Variants in NFATC3 observed in about 807,000 individuals in gnomAD.
NFATC3 encodes nuclear factor of activated T-cells, cytoplasmic 3.
Under a neutral mutation model 98.6 loss-of-function variants are expected in NFATC3, and 46 were observed. The observed-to-expected ratio is 0.47, with a 90% confidence interval of 0.37 to 0.60. NFATC3 has a LOEUF of 0.60. NFATC3 is among the 20% of genes least tolerant of loss of function. NFATC3 has a pLI of 0.00. For missense variants in NFATC3, 1,256 were observed against 1,295.5 expected (o/e 0.97, Z 0.47); for synonymous variants, 512 against 472.2 (o/e 1.08, Z -1.09).
chr16:68,138,519 G>A, intron 3 of NFATC3: 1 of 1,281,508 alleles, frequency 7.8e-7, no homozygotes, highest in Non-Finnish European at 1.0e-6. Context: ...AGGAATCCAA[G>A]ATACGTTCAT....
At chr16:68,147,263 G>A (rs2038083354) in intron 3 of NFATC3, among the ~76,000 whole-genome samples, 1 of 152,180 alleles carries the variant, frequency 6.6e-6, no homozygotes, top group East Asian at 1.9e-4. Context: ...AACTTAATAG[G>A]TAATAGCAAA....
At chr16:68,112,522 C>T (rs552858686) in intron 1 of NFATC3, among the ~76,000 whole-genome samples, 28 of 151,794 alleles carry the variant, frequency 1.8e-4, no homozygotes, top group Admixed American at 6.6e-4. Context: ...GTGATCCACC[C>T]GCCTCGGCCT....
intron 6 of NFATC3, among the ~76,000 whole-genome samples, chr16:68,177,387 C>T (rs1032400892): frequency 1.3e-5 from 2 of 152,122 alleles, no homozygotes; most frequent in African/African-American, 4.8e-5. Context: ...ATTCCTTTCC[C>T]CTACATTTTC....
chr16:68,153,987 G>A (rs555432160), intron 3 of NFATC3, among the ~76,000 whole-genome samples: 2 of 152,182 alleles, frequency 1.3e-5, no homozygotes, highest in East Asian at 3.9e-4. Flanking sequence ...CATAATCATA[G>A]CTCACTGTAA....
chr16:68,117,770 G>A (rs927791163), intron 1 of NFATC3, among the ~76,000 whole-genome samples: 2 of 151,980 alleles, frequency 1.3e-5, no homozygotes, highest in Admixed American at 6.6e-5. Context: ...TGCCTGCCTC[G>A]GCCTCCCAAA....
At chr16:68,221,401 T>C in intron 9 of NFATC3, 1 of 1,479,474 alleles carries the variant, frequency 6.8e-7, no homozygotes, top group East Asian at 2.4e-5. Flanking sequence ...TGAAAGCACT[T>C]TGTTGCAGTT....
chr16:68,184,393 G>A (rs933416737), intron 8 of NFATC3, among the ~76,000 whole-genome samples: 1 of 152,164 alleles, frequency 6.6e-6, no homozygotes, highest in Admixed American at 6.5e-5. Context: ...AGTTTAAGGA[G>A]CTTCCATATG....
chr16:68,137,848 C>T (rs892378442), intron 3 of NFATC3, among the ~76,000 whole-genome samples: 1 of 152,034 alleles, frequency 6.6e-6, no homozygotes, highest in Admixed American at 6.6e-5. Flanking sequence ...GATCTTCTGA[C>T]CTCGTGATCC....
chr16:68,116,694 G>A (rs549234968), intron 1 of NFATC3, among the ~76,000 whole-genome samples: 1 of 152,282 alleles, frequency 6.6e-6, no homozygotes, highest in South Asian at 2.1e-4. Flanking sequence ...TTCATCTACA[G>A]TTTATTTGGG....
chr16:68,168,736 G>A (rs1250456792), intron 5 of NFATC3, among the ~76,000 whole-genome samples: 1 of 148,758 alleles, frequency 6.7e-6, no homozygotes, highest in Non-Finnish European at 1.5e-5. Flanking sequence ...TGCCCACCTT[G>A]CCCTCCCAAA....
intron 3 of NFATC3, among the ~76,000 whole-genome samples, chr16:68,137,855 A>T (rs769855454): frequency 6.6e-6 from 1 of 151,884 alleles, no homozygotes; most frequent in South Asian, 2.1e-4. Flanking sequence ...TGACCTCGTG[A>T]TCCGCCCTCC....
chr16:68,134,874 C>G (rs1484904016), intron 3 of NFATC3, among the ~76,000 whole-genome samples: 1 of 151,688 alleles, frequency 6.6e-6, no homozygotes, highest in African/African-American at 2.4e-5. Context: ...AAGAAGCAAA[C>G]CATGCAGCCA....
At chr16:68,190,740 A>G in intron 8 of NFATC3, 28 bp from the exon 9 acceptor site, 1 of 1,568,624 alleles carries the variant, frequency 6.4e-7, no homozygotes, top group Non-Finnish European at 8.6e-7. Context: ...TTGTATAATA[A>G]TATTTGCTTT....
chr16:68,138,502 G>T, intron 3 of NFATC3: 1 of 1,266,886 alleles, frequency 7.9e-7, no homozygotes, highest in Non-Finnish European at 1.0e-6. Flanking sequence ...CTTTCAAATT[G>T]TTGCTCAGGA....
At chr16:68,158,406 T>G (rs1364688969) in intron 4 of NFATC3, among the ~76,000 whole-genome samples, 2 of 152,192 alleles carry the variant, frequency 1.3e-5, no homozygotes, top group African/African-American at 4.8e-5. Context: ...TTCTATTTCC[T>G]TAAGGAAAAC....
intron 1 of NFATC3, chr16:68,088,885 T>A: frequency 1.6e-6 from 1 of 635,670 alleles, no homozygotes; most frequent in South Asian, 7.1e-5. Context: ...TTGCCCAGGC[T>A]AGTCTGGAAC....
intron 3 of NFATC3, among the ~76,000 whole-genome samples, chr16:68,128,112 T>A (rs963620416): frequency 1.2e-4 from 19 of 152,174 alleles, no homozygotes; most frequent in African/African-American, 4.1e-4. Context: ...TGGCTGTAGA[T>A]GATAATCTCT....
chr16:68,099,640 T>C (rs1038977216), intron 1 of NFATC3, among the ~76,000 whole-genome samples: 2 of 151,366 alleles, frequency 1.3e-5, no homozygotes, highest in African/African-American at 4.9e-5. Flanking sequence ...ATAAAAAATA[T>C]AGAACTGTTT....
Position 68,183,274 on chromosome 16 carries a change from A to G in NFATC3, c.2006A>G (p.Asn669Ser). The G allele has an allele frequency of 2.5e-6, 4 of 1,605,646 alleles. No homozygotes were observed. The highest frequency in any genetic ancestry group is 3.4e-6 in the Non-Finnish European group (4 of 1,177,538). Residue 669 changes from asparagine to serine, a missense_variant, in exon 8 of 10, where the codon AAC becomes AGC. This residue lies in a region of NFATC3 where 636 missense variants were observed against 617.3 expected (regional missense o/e 1.03). Transcript: ENST00000346183. Reference sequence around the variant, plus strand: ...GTCCTTGAAGTTCCTCCATATCATAACCCAGCAGTTACAGCTGCAGTGCAG... The same window carrying G: ...GTCCTTGAAGTTCCTCCATATCATAGCCCAGCAGTTACAGCTGCAGTGCAG... ...HIVLEVPPYH[N>S]PAVTAAVQVH...
Sources: gnomAD v4.1 joint callset for allele counts (sites outside exome capture counted in the v4.1 genomes callset) on GRCh38, gnomAD v4.1.1 for gene constraint, gnomAD v4.1.1 regional missense constraint, MANE v1.5 for transcripts, NCBI Gene and HGNC (gene_info 2026-07-23, HGNC 2026-07-21) for gene names.